CYP39A1: variants seen among roughly 807,000 people sequenced by gnomAD.
CYP39A1 encodes 24-hydroxycholesterol 7-alpha-hydroxylase.
Under a neutral mutation model 58.1 loss-of-function variants are expected in CYP39A1, and 49 were observed. The observed-to-expected ratio is 0.84, with a 90% confidence interval of 0.67 to 1.07. CYP39A1 has a LOEUF of 1.07. CYP39A1 is among the 50% of genes least tolerant of loss of function. The pLI is 0.00. For missense variants in CYP39A1, 531 were observed against 539.4 expected (o/e 0.98, Z 0.16); for synonymous variants, 209 against 187.6 (o/e 1.11, Z -0.93).
At chr6:46,596,750 G>A (rs1773188794) in intron 7 of CYP39A1, among the ~76,000 whole-genome samples, 3 of 152,062 alleles carry the variant, frequency 2.0e-5, no homozygotes, top group East Asian at 1.9e-4. Flanking sequence ...AGGGGGTGGG[G>A]TGGACGAAGG....
intron 7 of CYP39A1, among the ~76,000 whole-genome samples, chr6:46,604,145 G>T (rs954181431): frequency 6.6e-6 from 1 of 151,942 alleles, no homozygotes; most frequent in African/African-American, 2.4e-5. Flanking sequence ...AATCATCTTC[G>T]AATTATATTC....
At chr6:46,620,817 T>C (rs1016710260) in intron 7 of CYP39A1, among the ~76,000 whole-genome samples, 2 of 152,164 alleles carry the variant, frequency 1.3e-5, no homozygotes, top group Admixed American at 6.5e-5. Flanking sequence ...AGTTAATACC[T>C]GATCACTAAA....
chr6:46,612,853 T>C (rs1022480027), intron 7 of CYP39A1, among the ~76,000 whole-genome samples: 2 of 152,234 alleles, frequency 1.3e-5, no homozygotes, highest in African/African-American at 4.8e-5. Context: ...CATTGGGCCC[T>C]GGCAGGCTGC....
At chr6:46,625,814 C>T (rs963465118) in intron 6 of CYP39A1, among the ~76,000 whole-genome samples, 6 of 151,872 alleles carry the variant, frequency 4.0e-5, no homozygotes, top group African/African-American at 1.5e-4. Context: ...ATGAGTAACA[C>T]AAAATATTAT....
At position 46,556,685 on chromosome 6, in the gene CYP39A1, C is replaced by T. The variant is rs143465980; in HGVS notation, c.1251-2831G>A. Among the ~76,000 whole-genome samples the T allele has an allele frequency of 7.9e-5, 12 of 152,184 alleles. No homozygotes were observed. In the South Asian group the frequency reaches 1.2e-3, roughly 16 times the overall value. On this transcript the variant is annotated intron_variant, in intron 10 of 11. Transcript: ENST00000275016. ...GATTAGATTATTTTACATTAAATGG[C>T]GCTCTGGATTTACCTTACTGAAGCT...
chr6:46,624,928 T>C (rs1478755976), intron 7 of CYP39A1, among the ~76,000 whole-genome samples: 4 of 152,184 alleles, frequency 2.6e-5, no homozygotes, highest in African/African-American at 9.6e-5. Context: ...TAAGGGTTTT[T>C]TTATTTCTTT....
intron 7 of CYP39A1, among the ~76,000 whole-genome samples, chr6:46,624,608 GA>G (rs1459649569): frequency 6.6e-6 from 1 of 152,050 alleles, no homozygotes; most frequent in African/African-American, 2.4e-5. Flanking sequence ...TCATGGAAGG[GA>G]GAGGGAAAAC....
intron 10 of CYP39A1, chr6:46,586,468 C>G: frequency 1.0e-6 from 1 of 977,764 alleles, no homozygotes; most frequent in Non-Finnish European, 1.2e-6. Context: ...GGGCCTGGCA[C>G]AGATGAGATG....
At chr6:46,643,301 A>G (rs1776460580) in intron 1 of CYP39A1, among the ~76,000 whole-genome samples, 1 of 152,236 alleles carries the variant, frequency 6.6e-6, no homozygotes, top group Non-Finnish European at 1.5e-5. Context: ...AGCATTATAC[A>G]TATCTCAAGG....
intron 10 of CYP39A1, among the ~76,000 whole-genome samples, chr6:46,580,314 G>A (rs1297696868): frequency 6.6e-6 from 1 of 152,184 alleles, no homozygotes; most frequent in Non-Finnish European, 1.5e-5. Context: ...GCAGAAGACT[G>A]AAACTGGACC....
chr6:46,603,853 T>C (rs1773665195), intron 7 of CYP39A1, among the ~76,000 whole-genome samples: 2 of 152,206 alleles, frequency 1.3e-5, no homozygotes, highest in Admixed American at 1.3e-4. Context: ...AGCTACTGGT[T>C]TGCTCCTCAT....
intron 10 of CYP39A1, 22 bp downstream of exon 10, chr6:46,587,055 G>T: frequency 6.4e-7 from 1 of 1,571,308 alleles, no homozygotes; most frequent in Non-Finnish European, 8.7e-7. Context: ...CTGGATAAAT[G>T]TGGCCCAGCT....
chr6:46,640,352 C>A (rs991349255), intron 2 of CYP39A1, among the ~76,000 whole-genome samples: 1 of 152,132 alleles, frequency 6.6e-6, no homozygotes, highest in Admixed American at 6.5e-5. Context: ...CCCAATCCCA[C>A]ACACTTATAC....
rs76908495 is a variant in CYP39A1 at position 46,638,842 on chromosome 6, C to T, written c.488+652G>A. On this transcript the variant is annotated intron_variant, in intron 3 of 11. Transcript: ENST00000275016. ...AAGTGACTCAGGTAACTTCAACTTACGAAATCTCTTTATGCATGTGGGAAA... is the reference window on the plus strand; with the variant it reads ...AAGTGACTCAGGTAACTTCAACTTATGAAATCTCTTTATGCATGTGGGAAA... Among the ~76,000 whole-genome samples the T allele has an allele frequency of 4.5e-3, 679 of 152,236 alleles. 8 individuals carry two copies. The highest frequency in any genetic ancestry group is 0.015 in the African/African-American group (613 of 41,524).
At chr6:46,553,330 T>A (rs886905841) in intron 11 of CYP39A1, among the ~76,000 whole-genome samples, 1 of 152,212 alleles carries the variant, frequency 6.6e-6, no homozygotes, top group Non-Finnish European at 1.5e-5. Flanking sequence ...GTTCACTGTT[T>A]TTACTGCTAG....
intron 7 of CYP39A1, among the ~76,000 whole-genome samples, chr6:46,623,109 A>G (rs888460230): frequency 4.6e-5 from 7 of 152,178 alleles, no homozygotes; most frequent in Admixed American, 3.3e-4. Context: ...AAGAGCATAG[A>G]ACAGAAAAAC....
chr6:46,568,760 A>T (rs746528040), intron 10 of CYP39A1, among the ~76,000 whole-genome samples: 1 of 152,014 alleles, frequency 6.6e-6, no homozygotes, highest in Non-Finnish European at 1.5e-5. Context: ...GTCTATCTTT[A>T]TGTCAACAGC....
intron 10 of CYP39A1, among the ~76,000 whole-genome samples, chr6:46,579,955 A>C (rs1212414151): frequency 6.6e-6 from 1 of 152,208 alleles, no homozygotes; most frequent in East Asian, 1.9e-4. Context: ...ATTCAATGCT[A>C]TTCCTATCAA....
In CYP39A1 at chr6:46,598,243, T is replaced by G. The variant is rs1294576356; in HGVS notation, c.932-2123A>C. 2.6e-5 allele frequency among the ~76,000 whole-genome samples: 4 copies of G among 152,302 alleles called. No homozygotes were observed. In the East Asian group the frequency reaches 7.7e-4, roughly 29 times the overall value. On this transcript the variant is annotated intron_variant, in intron 7 of 11. Coordinates refer to ENST00000275016, the MANE Select transcript of CYP39A1 (RefSeq NM_016593.5). ...TTTACACTGTTATTCTCAAACTTTT[T>G]GTAACATGGAATCTGTCTTCTACCA... is the stretch of plus-strand genomic sequence containing the variant.
Sources: allele counts gnomAD v4.1 joint callset (sites outside exome capture counted in the v4.1 genomes callset), GRCh38; gene constraint gnomAD v4.1.1; transcripts MANE v1.5; gene names NCBI Gene and HGNC (gene_info 2026-07-23, HGNC 2026-07-21).